Variants in ANXA2 observed in about 807,000 individuals in gnomAD.
ANXA2 encodes the protein annexin II.
Under a neutral mutation model 47.3 loss-of-function variants are expected in ANXA2, and 28 were observed. The observed-to-expected ratio is 0.59, with a 90% CI of 0.44 to 0.81. ANXA2 has a LOEUF of 0.81. Among genes scored for constraint, ANXA2 ranks in the 40% least tolerant of loss-of-function variants. The probability of loss-of-function intolerance (pLI) is 0.00; values close to 1 mark genes in which losing one functional copy is unlikely to be tolerated. For missense variants in ANXA2, 384 were observed against 414.3 expected (o/e 0.93, Z 0.64); for synonymous variants, 172 against 155.5 (o/e 1.11, Z -0.79).
intron 3 of ANXA2, among the ~76,000 whole-genome samples, chr15:60,374,241 T>C (rs2062748005): frequency 6.6e-6 from 1 of 152,202 alleles, no homozygotes; most frequent in Admixed American, 6.5e-5. Flanking sequence ...CTGCCTTCCA[T>C]GCAGAATTAT....
intron 8 of ANXA2, 113 bp downstream of exon 8, chr15:60,354,041 G>C (rs1566930911): frequency 5.2e-6 from 4 of 771,240 alleles, no homozygotes; most frequent in Admixed American, 5.5e-5. Context: ...CATGTTTGTT[G>C]TTTTAAGCCA....
intron 1 of ANXA2, chr15:60,393,665 C>T: frequency 1.0e-6 from 1 of 985,436 alleles, no homozygotes; most frequent in Non-Finnish European, 1.2e-6. Flanking sequence ...CTTTAGGATA[C>T]AGGAAATCAT....
At chr15:60,393,681 C>A in intron 1 of ANXA2, 1 of 985,436 alleles carries the variant, frequency 1.0e-6, no homozygotes, top group Non-Finnish European at 1.2e-6. Context: ...ATCATAAATG[C>A]CGCCTTTCTC....
rs112806639 is a variant in ANXA2 at position 60,355,881 on chromosome 15, G to A, written c.528+38C>T. 9.1e-6 allele frequency: 14 copies of A among 1,536,862 alleles called. No homozygotes were observed. In the African/African-American group the frequency reaches 9.5e-5, roughly 10 times the overall value. On this transcript the variant is annotated intron_variant, in intron 7 of 12. Transcript: ENST00000451270. Reference sequence around the variant, plus strand: ...AAATGAGGTATGTGACTTGCCTTGGGAGGAAGCAAGGGCAAAGAAAGAAAC... The same window carrying A: ...AAATGAGGTATGTGACTTGCCTTGGAAGGAAGCAAGGGCAAAGAAAGAAAC...
In ANXA2 at chr15:60,347,537, C is replaced by A; in HGVS notation, c.*93G>T. The A allele has an allele frequency of 2.4e-6, 3 of 1,272,100 alleles. No individual in the cohort carries two copies. The allele number at this position is 1,272,100 out of a possible 1,614,324, so 78.8% of individuals were successfully genotyped here. A position where few individuals can be genotyped will look rare whatever the true frequency, so the allele number is the denominator to read the frequency against. ...GCTAACGTCACCCTCACAGGGATGG[C>A]CACGGGGACTGTTATTCGCAAGCTG... On this transcript the variant is annotated 3_prime_UTR_variant, in exon 13 of 13. Transcript: ENST00000451270.
Position 60,386,282 on chromosome 15 carries a change from T to C in ANXA2, c.-11-196A>G, listed in dbSNP as rs2062932470. On this transcript the variant is annotated intron_variant, in intron 1 of 12. Coordinates refer to ENST00000451270, the MANE Select transcript of ANXA2 (RefSeq NM_004039.3). ...AGAGATGGTCTGCCTTGGGTTGGGA[T>C]GGACTACTAAACTAGCCAGTCTTTC... The C allele has an allele frequency of 8.9e-6, 5 of 564,950 alleles. No individual in the cohort carries two copies. In the East Asian group the frequency reaches 1.5e-4, roughly 17 times the overall value. The allele number at this position is 564,950 out of a possible 1,614,324, so 35.0% of individuals were successfully genotyped here.
At chr15:60,349,025 C>T (rs747771106) in intron 12 of ANXA2, 50 bp downstream of exon 12, 10 of 1,609,010 alleles carry the variant, frequency 6.2e-6, no homozygotes, top group Non-Finnish European at 8.5e-6. Flanking sequence ...CTGCCAGGGC[C>T]CGGGGTGCTC....
chr15:60,357,096 G>T, intron 6 of ANXA2, 50 bp downstream of exon 6: 1 of 1,547,852 alleles, frequency 6.5e-7, no homozygotes, highest in Non-Finnish European at 8.9e-7. Context: ...CCATGATAGA[G>T]TCACATAAAT....
intron 5 of ANXA2, among the ~76,000 whole-genome samples, chr15:60,359,005 A>G (rs1056918196): frequency 4.6e-5 from 7 of 152,332 alleles, no homozygotes; most frequent in Admixed American, 3.9e-4. Context: ...ACTGTCCACA[A>G]TTCCTATCAC....
chr15:60,380,978 T>C (rs891758953), intron 3 of ANXA2, among the ~76,000 whole-genome samples: 25 of 152,054 alleles, frequency 1.6e-4, no homozygotes, highest in Admixed American at 6.5e-4. Context: ...GTTAGAACCA[T>C]AGAACGTTAA....
At chr15:60,371,971 GAAACCCCATCTCTACTAA>G (rs946154304) in intron 3 of ANXA2, among the ~76,000 whole-genome samples, 1 of 152,098 alleles carries the variant, frequency 6.6e-6, no homozygotes, top group Admixed American at 6.5e-5. Context: ...CTAACACGGA[GAAACCCCATCTCTACTAA>G]AAATACAAAA....
In ANXA2 at chr15:60,364,520, A is replaced by C. The variant is rs779535380; in HGVS notation, c.152T>G (p.Val51Gly). The change falls in exon 4 of 13, where the codon GTG (valine) becomes GGG (glycine). Residue 51 changes from valine to glycine, a missense_variant. Coordinates refer to ENST00000451270, the MANE Select transcript of ANXA2 (RefSeq NM_004039.3). ...NIETAIKTKGVDEVTIVNILT... is the reference protein window; with the variant it reads ...NIETAIKTKGGDEVTIVNILT... ...AATGTTGACAATGGTGACCTCATCCACACCTATGGAAATACAAGTTGTTAA... is the reference window on the plus strand; with the variant it reads ...AATGTTGACAATGGTGACCTCATCCCCACCTATGGAAATACAAGTTGTTAA... 6.2e-7 allele frequency: 1 copy of C among 1,610,302 alleles called. No individual in the cohort carries two copies. The highest frequency in any genetic ancestry group is 8.5e-7 in the Non-Finnish European group (1 of 1,178,844).
intron 3 of ANXA2, 38 bp from the exon 4 acceptor site, chr15:60,364,561 C>T (rs1474073328): frequency 6.5e-7 from 1 of 1,534,916 alleles, no homozygotes; most frequent in Non-Finnish European, 8.9e-7. Context: ...ACTCAGTATA[C>T]TCTAGTATTT....
intron 1 of ANXA2, among the ~76,000 whole-genome samples, chr15:60,397,064 T>TC (rs769310206): frequency 6.6e-6 from 1 of 152,168 alleles, no homozygotes; most frequent in Non-Finnish European, 1.5e-5. Context: ...TTATCTGTGT[T>TC]CCCCTCCTTC....
At chr15:60,395,875 G>A (rs1247741241) in intron 1 of ANXA2, 2 of 152,174 alleles carry the variant, frequency 1.3e-5, no homozygotes, top group Non-Finnish European at 2.9e-5. Context: ...TTCCACTGCA[G>A]ATGCAAGGGA....
At chr15:60,366,618 C>T (rs1212650308) in intron 3 of ANXA2, among the ~76,000 whole-genome samples, 3 of 148,834 alleles carry the variant, frequency 2.0e-5, no homozygotes, top group African/African-American at 5.0e-5. Context: ...GGCAACCACC[C>T]CGTCTGGGAA....
chr15:60,355,340 C>T (rs558956065), intron 7 of ANXA2: 3 of 168,970 alleles, frequency 1.8e-5, no homozygotes, highest in South Asian at 1.5e-4. Context: ...GTGGGCCGGA[C>T]GCACTATCTG....
intron 1 of ANXA2, chr15:60,387,071 C>T (rs960369467): frequency 6.6e-6 from 1 of 152,226 alleles, no homozygotes; most frequent in Non-Finnish European, 1.5e-5. Flanking sequence ...TAAATATTTT[C>T]ATAAAACTGG....
At chr15:60,359,821 C>T (rs1027388920) in intron 5 of ANXA2, among the ~76,000 whole-genome samples, 10 of 152,226 alleles carry the variant, frequency 6.6e-5, no homozygotes, top group Admixed American at 6.5e-5. Flanking sequence ...TTTCCCTCAT[C>T]TACAGCGCAG....
Sources: gnomAD v4.1 joint callset for allele counts (sites outside exome capture counted in the v4.1 genomes callset) on GRCh38, gnomAD v4.1.1 for gene constraint, MANE v1.5 for transcripts, NCBI Gene and HGNC (gene_info 2026-07-23, HGNC 2026-07-21) for gene names.